The following CACNB4 variants were observed in gnomAD, a reference collection of about 807,000 sequenced individuals.
The protein encoded by CACNB4 is voltage-dependent L-type calcium channel subunit beta-4.
CACNB4 carries 32 observed loss-of-function variants against 71.2 expected under a neutral mutation model. The ratio of observed to expected loss-of-function variants is 0.45; its 90% confidence interval spans 0.34 to 0.60. The LOEUF (loss-of-function observed/expected upper bound fraction) is 0.60, where lower values mean the gene tolerates loss of function less well. Ranked by LOEUF, CACNB4 falls within the 20% of genes least tolerant of loss-of-function variation. The pLI, the probability that CACNB4 is intolerant of heterozygous loss-of-function variation, is 0.01. For missense variants in CACNB4, 464 were observed against 647.9 expected (o/e 0.72, Z 3.08); for synonymous variants, 231 against 236.9 (o/e 0.97, Z 0.23).
At chr2:152,011,007 C>T (rs1683024679) in intron 2 of CACNB4, among the ~76,000 whole-genome samples, 1 of 152,174 alleles carries the variant, frequency 6.6e-6, no homozygotes, top group Non-Finnish European at 1.5e-5. Context: ...GAAAAAGGAA[C>T]AGACACCCTT....
intron 2 of CACNB4, chr2:151,967,910 TTATAAC>T (rs1312161882): frequency 3.9e-5 from 6 of 152,174 alleles, no homozygotes; most frequent in Non-Finnish European, 8.8e-5. Flanking sequence ...AGGAAAATAT[TTATAAC>T]TAAAACTATA....
intron 2 of CACNB4, among the ~76,000 whole-genome samples, chr2:151,923,998 T>C (rs1444010708): frequency 6.6e-6 from 1 of 151,420 alleles, no homozygotes; most frequent in African/African-American, 2.4e-5. Flanking sequence ...GACTCTATGA[T>C]ACATTATATA....
chr2:151,869,913 C>T lies in CACNB4; in HGVS notation c.699+618G>A, dbSNP rs1427921783. On this transcript the variant is annotated intron_variant, in intron 8 of 13. Coordinates refer to ENST00000539935, the MANE Select transcript of CACNB4 (RefSeq NM_000726.5). ...TGCTCACCTTCAGAGTTTAATGTCACGTTCTACCTATTTTTTAATCCAAGC... is the reference window on the plus strand; with the variant it reads ...TGCTCACCTTCAGAGTTTAATGTCATGTTCTACCTATTTTTTAATCCAAGC... 2.6e-5 allele frequency: 10 copies of T among 384,906 alleles called. No individual in the cohort carries two copies. The East Asian group carries it at 2.6e-4, about 10-fold the overall frequency. 23.8% of individuals were successfully genotyped at this position (384,906 alleles called of 1,614,324 possible).
intron 12 of CACNB4, among the ~76,000 whole-genome samples, chr2:151,843,104 C>G (rs550904413): frequency 6.6e-6 from 1 of 152,278 alleles, no homozygotes; most frequent in African/African-American, 2.4e-5. Context: ...ACGTTTCGGA[C>G]AGTAAGGCCA....
At chr2:151,989,851 C>G (rs1195239822) in intron 2 of CACNB4, among the ~76,000 whole-genome samples, 2 of 152,176 alleles carry the variant, frequency 1.3e-5, no homozygotes, top group African/African-American at 4.8e-5. Context: ...GACTACCCAC[C>G]CAGTTGTCCA....
chr2:152,047,970 G>C lies in CACNB4; in HGVS notation c.147+50360C>G, dbSNP rs565103477. Among the ~76,000 whole-genome samples, 4 of 152,222 alleles carry C rather than the reference G, an allele frequency of 2.6e-5. No individual in the cohort carries two copies. The South Asian group carries it at 8.3e-4, about 32-fold the overall frequency. On this transcript the variant is annotated intron_variant, in intron 2 of 13. Transcript: ENST00000539935. ...TGGAGAGTTCAGGTCTTAAGCATTCGCTGCTCAATTCTCTGTTTGGCACCC... is the reference window on the plus strand; with the variant it reads ...TGGAGAGTTCAGGTCTTAAGCATTCCCTGCTCAATTCTCTGTTTGGCACCC...
chr2:151,917,279 A>G (rs1407524050), intron 2 of CACNB4, among the ~76,000 whole-genome samples: 2 of 152,208 alleles, frequency 1.3e-5, no homozygotes, highest in African/African-American at 4.8e-5. Context: ...AGGCACCGGG[A>G]AAACTCAAGC....
At chr2:152,052,386 C>T (rs1685485841) in intron 2 of CACNB4, among the ~76,000 whole-genome samples, 1 of 152,090 alleles carries the variant, frequency 6.6e-6, no homozygotes, top group Non-Finnish European at 1.5e-5. Flanking sequence ...CTGTAACCTC[C>T]ACCTCCCGGG....
At chr2:151,912,158 C>CT (rs556284781) in intron 2 of CACNB4, among the ~76,000 whole-genome samples, 97 of 152,278 alleles carry the variant, frequency 6.4e-4, no homozygotes, top group African/African-American at 2.2e-3. Flanking sequence ...TTTTGTGCCT[C>CT]TATCTCCGTC....
intron 2 of CACNB4, among the ~76,000 whole-genome samples, chr2:152,052,080 A>G (rs1182192616): frequency 6.6e-6 from 1 of 152,144 alleles, no homozygotes; most frequent in African/African-American, 2.4e-5. Context: ...GCGGGGTTAC[A>G]TCCCATTGAA....
intron 2 of CACNB4, among the ~76,000 whole-genome samples, chr2:151,900,492 G>A (rs1469464265): frequency 6.6e-6 from 1 of 152,208 alleles, no homozygotes; most frequent in African/African-American, 2.4e-5. Flanking sequence ...TGAAAGTGGT[G>A]CCTTGCCTTA....
intron 2 of CACNB4, among the ~76,000 whole-genome samples, chr2:152,017,746 T>C (rs749696351): frequency 6.6e-6 from 1 of 151,562 alleles, no homozygotes; most frequent in Non-Finnish European, 1.5e-5. Context: ...AAAATAAAAG[T>C]CCTAAAACAA....
chr2:151,962,722 G>A (rs2099869977), intron 2 of CACNB4: 1 of 152,192 alleles, frequency 6.6e-6, no homozygotes, highest in Non-Finnish European at 1.5e-5. Context: ...AGTTTTATGG[G>A]TGTATTATCA....
At chr2:152,076,264 C>G (rs1403371705) in intron 2 of CACNB4, among the ~76,000 whole-genome samples, 2 of 149,456 alleles carry the variant, frequency 1.3e-5, no homozygotes, top group Non-Finnish European at 3.0e-5. Flanking sequence ...GCCTCAGCCT[C>G]CCGAGTAGCT....
At chr2:151,995,374 T>C (rs1450320873) in intron 2 of CACNB4, among the ~76,000 whole-genome samples, 2 of 152,242 alleles carry the variant, frequency 1.3e-5, no homozygotes, top group Non-Finnish European at 2.9e-5. Context: ...CTTTCAGTCA[T>C]GTGCTTAGCA....
At chr2:151,870,458 A>C in intron 8 of CACNB4, 73 bp downstream of exon 8, 2 of 1,260,338 alleles carry the variant, frequency 1.6e-6, no homozygotes, top group African/African-American at 1.5e-5. Flanking sequence ...CAGACCCTTG[A>C]GGAGCAAGCG....
intron 2 of CACNB4, among the ~76,000 whole-genome samples, chr2:151,937,537 C>T (rs537280763): frequency 6.6e-6 from 1 of 152,256 alleles, no homozygotes; most frequent in African/African-American, 2.4e-5. Context: ...TATGGATAAA[C>T]AGGATATTCT....
chr2:151,906,981 CATT>C (rs1357475474), intron 2 of CACNB4, among the ~76,000 whole-genome samples: 1 of 152,200 alleles, frequency 6.6e-6, no homozygotes, highest in Non-Finnish European at 1.5e-5. Context: ...ATTGCACTTA[CATT>C]ATTCAGCAGT....
intron 2 of CACNB4, among the ~76,000 whole-genome samples, chr2:152,012,986 A>G (rs968632803): frequency 3.3e-5 from 5 of 152,204 alleles, no homozygotes; most frequent in African/African-American, 1.2e-4. Flanking sequence ...AATCTCTTAC[A>G]CCATACTTTT....
Sources: allele counts gnomAD v4.1 joint callset (sites outside exome capture counted in the v4.1 genomes callset), GRCh38; gene constraint gnomAD v4.1.1; transcripts MANE v1.5; gene names NCBI Gene and HGNC (gene_info 2026-07-23, HGNC 2026-07-21).